TMEM145: variants seen among roughly 807,000 people sequenced by gnomAD.
The protein encoded by TMEM145 is transmembrane protein 145.
A neutral mutation model predicts 68.5 loss-of-function variants in TMEM145; 46 were observed. The ratio of observed to expected loss-of-function variants is 0.67; its 90% confidence interval spans 0.53 to 0.86. The LOEUF is 0.86. TMEM145 is among the 40% of genes least tolerant of loss of function. The pLI, the probability that TMEM145 is intolerant of heterozygous loss-of-function variation, is 0.00. For synonymous variants in TMEM145, 255 were observed against 280.2 expected (o/e 0.91, Z 0.90); for missense variants, 570 against 645.8 (o/e 0.88, Z 1.27).
At chr19:42,315,613 G>T (rs1056567546) in intron 8 of TMEM145, among the ~76,000 whole-genome samples, 173 bp downstream of exon 8, 2 of 150,626 alleles carry the variant, frequency 1.3e-5, no homozygotes, top group Non-Finnish European at 3.0e-5. Context: ...TCGACTCCTG[G>T]GTCCTGGGGG....
intron 12 of TMEM145, 67 bp from the exon 13 acceptor site, chr19:42,320,250 G>C: frequency 6.3e-7 from 1 of 1,599,958 alleles, no homozygotes; most frequent in Non-Finnish European, 8.5e-7. Flanking sequence ...TGGCAGGCGA[G>C]GTGGGGCTAT....
At chr19:42,314,920 C>T in intron 5 of TMEM145, 69 bp downstream of exon 5, 3 of 1,613,786 alleles carry the variant, frequency 1.9e-6, no homozygotes, top group Non-Finnish European at 2.5e-6. Flanking sequence ...GCCACCTGGA[C>T]CACCTTCTCT....
At chr19:42,315,610 C>T (rs935455821) in intron 8 of TMEM145, among the ~76,000 whole-genome samples, 170 bp downstream of exon 8, 5 of 133,446 alleles carry the variant, frequency 3.7e-5, no homozygotes, top group African/African-American at 1.1e-4. Context: ...GCTTCGACTC[C>T]TGGGTCCTGG....
rs2038838997 is a variant in TMEM145, at chr19:42,314,856, G to A, written c.420+5G>A. ...AGTGGCCGCAGCTTCCGCTCAGTGC[G>A]TGAACGGTGGTGGTATATTGCGCTC... is the stretch of plus-strand genomic sequence containing the variant. On this transcript the variant is annotated splice_donor_5th_base_variant and intron_variant, in intron 5 of 14. Coordinates refer to ENST00000301204, the MANE Select transcript of TMEM145 (RefSeq NM_173633.3). The A allele has an allele frequency of 4.3e-6, 7 of 1,614,204 alleles. No individual in the cohort carries two copies. Among genetic ancestry groups the A allele is most frequent in the Middle Eastern group, 1.6e-4 (1 of 6,062 alleles).
rs1214788377 is a variant in TMEM145, at chr19:42,316,539, C to T, written c.705C>T (p.Gly235=). 6.2e-7 allele frequency: 1 copy of T among 1,614,048 alleles called. No homozygotes were observed. The highest frequency in any genetic ancestry group is 8.5e-7 in the Non-Finnish European group (1 of 1,180,020). The change falls in exon 9 of 15, where the codon GGC becomes GGT. Residue 235 remains glycine, a synonymous_variant. Transcript: ENST00000301204. Reference sequence around the variant, plus strand: ...GTCAATATGCCACCGATGGCATTGGCAACGAGAGTGTGAAGATCTTGGGTG... The same window carrying T: ...GTCAATATGCCACCGATGGCATTGGTAACGAGAGTGTGAAGATCTTGGGTG... ...YWGQYATDGI[G]NESVKILAKL...
At chr19:42,316,404 C>T (rs1431264961) in intron 8 of TMEM145, 77 bp from the exon 9 acceptor site, 1 of 1,403,052 alleles carries the variant, frequency 7.1e-7, no homozygotes, top group African/African-American at 1.4e-5. Flanking sequence ...TTCAGACTGC[C>T]TGGATGGTAG....
At chr19:42,317,650 G>A (rs2038871609) in intron 11 of TMEM145, 59 bp from the exon 12 acceptor site, 9 of 1,578,848 alleles carry the variant, frequency 5.7e-6, no homozygotes, top group African/African-American at 1.3e-5. Flanking sequence ...GGTGGGGTCC[G>A]GGGACCCTAA....
chr19:42,315,352 T>C lies in TMEM145; in HGVS notation c.578-20T>C. 6.2e-7 allele frequency: 1 copy of C among 1,614,160 alleles called. No individual in the cohort carries two copies. The highest frequency in any genetic ancestry group is 8.5e-7 in the Non-Finnish European group (1 of 1,180,012). On this transcript the variant is annotated intron_variant, in intron 7 of 14. Transcript: ENST00000301204. The stretch of plus-strand genomic sequence containing the variant: ...CTCCCTTTCTGCCTGTGGACAGCCT[T>C]TCCCTACCTTGCTTCCTAGATTTGC...
At chr19:42,314,571 C>T (rs1449389052) in intron 3 of TMEM145, 42 bp from the exon 4 acceptor site, 4 of 1,613,984 alleles carry the variant, frequency 2.5e-6, no homozygotes, top group Non-Finnish European at 3.4e-6. Flanking sequence ...GGGAGAAGGT[C>T]GTTGCTGGCC....
At chr19:42,317,671 G>A (rs761746640) in intron 11 of TMEM145, 38 bp from the exon 12 acceptor site, 1 of 1,610,444 alleles carries the variant, frequency 6.2e-7, no homozygotes, top group Non-Finnish European at 8.5e-7. Context: ...TAGAGGGGAG[G>A]AGGCCAGGCT....
intron 12 of TMEM145, among the ~76,000 whole-genome samples, chr19:42,319,740 G>A (rs546367558): frequency 8.2e-4 from 121 of 147,900 alleles, no homozygotes; most frequent in African/African-American, 2.9e-3. Context: ...AAGCCACTGT[G>A]CCCGGCCTGA....
chr19:42,316,626 C>A (rs761525100), intron 9 of TMEM145, 36 bp from the exon 10 acceptor site: 5 of 1,613,580 alleles, frequency 3.1e-6, no homozygotes, highest in Non-Finnish European at 4.2e-6. Flanking sequence ...CAGGTCTGAG[C>A]CTGGCTCTGA....
intron 12 of TMEM145, among the ~76,000 whole-genome samples, chr19:42,319,992 C>G (rs1027119757): frequency 6.6e-6 from 1 of 152,176 alleles, no homozygotes; most frequent in African/African-American, 2.4e-5. Flanking sequence ...CTCCCAACCT[C>G]AGGTGATCTG....
In TMEM145 at chr19:42,324,921, C is replaced by T; in HGVS notation, c.*104C>T. On this transcript the variant is annotated 3_prime_UTR_variant, in exon 15 of 15. Coordinates refer to ENST00000301204, the MANE Select transcript of TMEM145 (RefSeq NM_173633.3). ...GGATATTGCGATGCTGGTCTCGACC[C>T]TGAAACCCTCCCTCGGATCTGTGAC... 2 of 1,327,738 alleles carry T rather than the reference C, an allele frequency of 1.5e-6. No homozygotes were observed. Among genetic ancestry groups the T allele is most frequent in the Non-Finnish European group, 1.9e-6 (2 of 1,039,758 alleles). 82.2% of individuals were successfully genotyped at this position (1,327,738 alleles called of 1,614,324 possible). A position where few individuals can be genotyped will look rare whatever the true frequency, so the allele number is the denominator to read the frequency against.
chr19:42,314,713 C>A lies in TMEM145; in HGVS notation c.360+14C>A. 6.2e-7 allele frequency: 1 copy of A among 1,614,208 alleles called. No individual in the cohort carries two copies. The highest frequency in any genetic ancestry group is 2.2e-5 in the East Asian group (1 of 44,882). ...TCCGGCTGTCAGGTGCAGGCTCAGC[C>A]TGGGGGAGTGGGCAGGTGCTGAAGG... On this transcript the variant is annotated intron_variant, in intron 4 of 14. Transcript: ENST00000301204.
At chr19:42,316,603 T>C in intron 9 of TMEM145, 42 bp downstream of exon 9, 1 of 1,613,530 alleles carries the variant, frequency 6.2e-7, no homozygotes, top group Non-Finnish European at 8.5e-7. Context: ...AGCCCAGGGC[T>C]CAGGTTGGGC....
At chr19:42,317,390 G>C (rs937900599) in intron 11 of TMEM145, among the ~76,000 whole-genome samples, 2 of 152,186 alleles carry the variant, frequency 1.3e-5, no homozygotes, top group African/African-American at 4.8e-5. Flanking sequence ...TGGCCAAAGG[G>C]CTTCCCTCTT....
chr19:42,313,319 G>A lies in TMEM145; in HGVS notation c.-58G>A, dbSNP rs2038819971. 2 of 642,296 alleles carry A rather than the reference G, an allele frequency of 3.1e-6. No homozygotes were observed. Among genetic ancestry groups the A allele is most frequent in the South Asian group, 1.5e-4 (2 of 13,788 alleles). 39.8% of individuals were successfully genotyped at this position (642,296 alleles called of 1,614,324 possible). A position where few individuals can be genotyped will look rare whatever the true frequency, so the allele number is the denominator to read the frequency against. ...CGCGCTGGCCAGCCCGCGCGCTCTC[G>A]CCTCCATTGCCGGGCCAGTGCGGGA... On this transcript the variant is annotated 5_prime_UTR_variant, in exon 1 of 15. Coordinates refer to ENST00000301204, the MANE Select transcript of TMEM145 (RefSeq NM_173633.3). The surrounding 1 kb of genome is among the most constrained non-coding windows in gnomAD (Gnocchi z 5.1).
intron 13 of TMEM145, 117 bp downstream of exon 13, chr19:42,320,554 T>C: frequency 6.9e-7 from 1 of 1,458,038 alleles, no homozygotes; most frequent in Non-Finnish European, 9.4e-7. Context: ...ATTTTCCTTT[T>C]AGTCATTCTC....
Sources: allele counts gnomAD v4.1 joint callset (sites outside exome capture counted in the v4.1 genomes callset), GRCh38; gene constraint gnomAD v4.1.1; non-coding constraint Gnocchi (gnomAD v3.1); transcripts MANE v1.5; gene names NCBI Gene and HGNC (gene_info 2026-07-23, HGNC 2026-07-21).